The following AEBP1 variants were observed in gnomAD, a reference collection of about 807,000 sequenced individuals.
AEBP1 encodes the protein adipocyte enhancer-binding protein 1.
In AEBP1, 69 loss-of-function variants were observed where a neutral mutation model predicts 116.5. The observed-to-expected ratio is 0.59, with a 90% CI of 0.49 to 0.72. AEBP1 has a LOEUF of 0.72. AEBP1 is among the 30% of genes least tolerant of loss of function. AEBP1 has a pLI of 0.00. For missense variants in AEBP1, 1,444 were observed against 1,557.5 expected (o/e 0.93, Z 1.23); for synonymous variants, 627 against 627.3 (o/e 1.00, Z 0.01).
intron 1 of AEBP1, chr7:44,106,312 G>A (rs1343125611): frequency 4.4e-6 from 3 of 684,630 alleles, no homozygotes; most frequent in Admixed American, 2.0e-5. Context: ...GGAACCCTAC[G>A]CTCAGTCTTT....
At position 44,112,128 on chromosome 7, in the gene AEBP1, C is replaced by G; in HGVS notation, c.2038-14C>G. ...GTGTGGGTAGCCGATGCCTACCCTG[C>G]TGGCTCCCCACAGGGCTCAGAGTTT... is the stretch of plus-strand genomic sequence containing the variant. On this transcript the variant is annotated splice_polypyrimidine_tract_variant and intron_variant, in intron 16 of 20. Coordinates refer to ENST00000223357, the MANE Select transcript of AEBP1 (RefSeq NM_001129.5). This position sits in a 1 kb window ranked among gnomAD's most constrained non-coding sequence, Gnocchi z 6.6. 6.3e-7 allele frequency: 1 copy of G among 1,596,180 alleles called. No homozygotes were observed. Among genetic ancestry groups the G allele is most frequent in the Non-Finnish European group, 8.6e-7 (1 of 1,167,098 alleles).
rs1264832591 is a variant in AEBP1, at chr7:44,104,846, G to A, written c.181G>A (p.Glu61Lys). 1.3e-6 allele frequency: 2 copies of A among 1,583,830 alleles called. No individual in the cohort carries two copies. Among genetic ancestry groups the A allele is most frequent in the Non-Finnish European group, 8.6e-7 (1 of 1,165,984 alleles). The change falls in exon 1 of 21, where the codon GAG becomes AAG. Residue 61 changes from glutamate (E) to lysine (K), a missense_variant. Physicochemically the swap from Glu to Lys is moderately conservative, Grantham distance 56. Transcript: ENST00000223357. ...CGACGTGGAGGCCCCGCCGCCTCCC[G>A]AGCCCACCCCGCGGGTCCGAAAAGC... ...EDDVEAPPPP[E>K]PTPRVRKAQA...
In AEBP1 at chr7:44,106,881, G is replaced by A. The variant is rs1242747366; in HGVS notation, c.589G>A (p.Glu197Lys). 3.8e-6 allele frequency: 6 copies of A among 1,569,988 alleles called. No homozygotes were observed. Among genetic ancestry groups the A allele is most frequent in the Non-Finnish European group, 5.2e-6 (6 of 1,161,230 alleles). ...CCCTGGCCCCGAGGAGCTACCCCAG[G>A]AGGGAGGTTTGTGCCGGGCTCCTCT... ...PSPGPEELPQ[E>K]GGAPLSNNWQ... The change falls in exon 2 of 21, where the codon GAG becomes AAG. Residue 197 changes from glutamate to lysine, a missense_variant. By Grantham distance (56) the Glu-to-Lys change is moderately conservative. Coordinates refer to ENST00000223357, the MANE Select transcript of AEBP1 (RefSeq NM_001129.5).
chr7:44,107,715 G>C lies in AEBP1; in HGVS notation c.739+15G>C. 6.2e-7 allele frequency: 1 copy of C among 1,613,384 alleles called. No homozygotes were observed. Among genetic ancestry groups the C allele is most frequent in the Non-Finnish European group, 8.5e-7 (1 of 1,179,916 alleles). On this transcript the variant is annotated intron_variant, in intron 4 of 20. Transcript: ENST00000223357. The surrounding 1 kb of genome is among the most constrained non-coding windows in gnomAD (Gnocchi z 4.3). Reference sequence around the variant, plus strand: ...CTATGAGGACTGTGAGTAGGGTCCTGCCAGCCCCACCTGGGTCGGACCCCT... The same window carrying C: ...CTATGAGGACTGTGAGTAGGGTCCTCCCAGCCCCACCTGGGTCGGACCCCT...
rs776971433 is a variant in AEBP1 at position 44,110,200 on chromosome 7, T to C, written c.1261-7T>C. 54 of 1,613,440 alleles carry C rather than the reference T, an allele frequency of 3.3e-5. No individual in the cohort carries two copies. Among genetic ancestry groups the C allele is most frequent in the Non-Finnish European group, 4.5e-5 (53 of 1,180,000 alleles). On this transcript the variant is annotated splice_region_variant and splice_polypyrimidine_tract_variant and intron_variant, in intron 10 of 20. Transcript: ENST00000223357. ...CCCATGCTCAGCCTCCCCTGCCCCCTGGACAGACCGGTGCCACTGAGGACG... is the reference window on the plus strand; with the variant it reads ...CCCATGCTCAGCCTCCCCTGCCCCCCGGACAGACCGGTGCCACTGAGGACG...
chr7:44,109,876 G>A, intron 9 of AEBP1, 139 bp from the exon 10 acceptor site: 1 of 748,892 alleles, frequency 1.3e-6, no homozygotes, highest in African/African-American at 1.8e-5. Flanking sequence ...CAGGGCACCA[G>A]GGAGCCACCA....
At position 44,112,202 on chromosome 7, in the gene AEBP1, G is replaced by A; in HGVS notation, c.2098G>A (p.Glu700Lys). Residue 700 changes from glutamate (E) to lysine (K), a missense_variant, in exon 17 of 21, where the codon GAA becomes AAA. Glu to Lys is a moderately conservative substitution (Grantham distance 56). Coordinates refer to ENST00000223357, the MANE Select transcript of AEBP1 (RefSeq NM_001129.5). This position sits in a 1 kb window ranked among gnomAD's most constrained non-coding sequence, Gnocchi z 6.6. ...GACTGAGGAGGGCTTTGACATCTTT[G>A]AAGATTTCCCGGATCTCAACTCTGT... ...LWTEEGFDIF[E>K]DFPDLNSVLW... 6.2e-7 allele frequency: 1 copy of A among 1,609,332 alleles called. No homozygotes were observed. The highest frequency in any genetic ancestry group is 8.5e-7 in the Non-Finnish European group (1 of 1,176,222).
Position 44,108,794 on chromosome 7 carries a change from TC to T in AEBP1, c.941-103del. On this transcript the variant is annotated intron_variant, in intron 6 of 20. Coordinates refer to ENST00000223357, the MANE Select transcript of AEBP1 (RefSeq NM_001129.5). The surrounding 1 kb of genome is among the most constrained non-coding windows in gnomAD (Gnocchi z 5.0). Reference sequence around the variant, plus strand: ...CTCAGCTGTCCCCCATCTCCCGTCCTCCTCCCCTCTGGCGCGGTCCTGTCCT... The same window carrying T: ...CTCAGCTGTCCCCCATCTCCCGTCCTCTCCCCTCTGGCGCGGTCCTGTCCT... The T allele has an allele frequency of 7.7e-6, 8 of 1,045,208 alleles. No homozygotes were observed. In the South Asian group the frequency reaches 1.2e-4, roughly 15 times the overall value. The allele number at this position is 1,045,208 out of a possible 1,614,324, so 64.7% of individuals were successfully genotyped here. A position where few individuals can be genotyped will look rare whatever the true frequency, so the allele number is the denominator to read the frequency against.
In AEBP1 at chr7:44,111,783, G is replaced by T; in HGVS notation, c.1841-71G>T. The stretch of plus-strand genomic sequence containing the variant: ...CCCCCAGACCCTCGGGTATGAGGTG[G>T]GTCTGGGTCCTTCCTCAGCTGCCCT... On this transcript the variant is annotated intron_variant, in intron 15 of 20. Coordinates refer to ENST00000223357, the MANE Select transcript of AEBP1 (RefSeq NM_001129.5). This position sits in a 1 kb window ranked among gnomAD's most constrained non-coding sequence, Gnocchi z 4.7. 6.5e-7 allele frequency: 1 copy of T among 1,548,864 alleles called. No homozygotes were observed. The highest frequency in any genetic ancestry group is 8.7e-7 in the Non-Finnish European group (1 of 1,143,348).
In AEBP1 at chr7:44,114,479, G is replaced by A. The variant is rs868038611; in HGVS notation, c.*218G>A. 1.2e-5 allele frequency: 8 copies of A among 640,550 alleles called. No individual in the cohort carries two copies. The highest frequency in any genetic ancestry group is 8.8e-5 in the Admixed American group (3 of 34,026). The allele number at this position is 640,550 out of a possible 1,614,324, so 39.7% of individuals were successfully genotyped here. A position where few individuals can be genotyped will look rare whatever the true frequency, so the allele number is the denominator to read the frequency against. On this transcript the variant is annotated 3_prime_UTR_variant, in exon 21 of 21. Coordinates refer to ENST00000223357, the MANE Select transcript of AEBP1 (RefSeq NM_001129.5). ...GGCTCCTGCTCCACCTGCCAGTCTC[G>A]TAAGAGATGGGGTTGCTGCAGTGTT...
At position 44,110,230 on chromosome 7, in the gene AEBP1, C is replaced by A. The variant is rs1477494152; in HGVS notation, c.1284C>A (p.Tyr428Ter). 1 of 1,613,648 alleles carries A rather than the reference C, an allele frequency of 6.2e-7. No individual in the cohort carries two copies. The highest frequency in any genetic ancestry group is 8.5e-7 in the Non-Finnish European group (1 of 1,180,026). The part of the protein sequence containing the change: ...NMQTGATEDD[Y>*]YDGAWCAEDD... ...AGACCGGTGCCACTGAGGACGACTA[C>A]TATGATGGTGCGTGGTGTGCCGAGG... Residue 428 changes from tyrosine (Y) to a stop codon, truncating the protein, a stop_gained, in exon 11 of 21, where the codon TAC (tyrosine) becomes TAA (stop). Coordinates refer to ENST00000223357, the MANE Select transcript of AEBP1 (RefSeq NM_001129.5). LOFTEE classifies it high-confidence loss of function.
Position 44,112,440 on chromosome 7 carries a change from G to T in AEBP1, c.2218-118G>T. On this transcript the variant is annotated intron_variant, in intron 17 of 20. Coordinates refer to ENST00000223357, the MANE Select transcript of AEBP1 (RefSeq NM_001129.5). The surrounding 1 kb of genome is among the most constrained non-coding windows in gnomAD (Gnocchi z 6.6). ...AACTCCAGACGCTGAGGCTCTGGGG[G>T]TTGGGGGACAGGGGATCGTGCGAGT... 1.4e-6 allele frequency: 2 copies of T among 1,397,674 alleles called. No homozygotes were observed. Among genetic ancestry groups the T allele is most frequent in the Admixed American group, 2.5e-5 (1 of 40,644 alleles). The allele number at this position is 1,397,674 out of a possible 1,614,324, so 86.6% of individuals were successfully genotyped here.
In AEBP1 at chr7:44,111,290, G is replaced by T; in HGVS notation, c.1716+51G>T. The T allele has an allele frequency of 1.4e-6, 2 of 1,472,148 alleles. No individual in the cohort carries two copies. The highest frequency in any genetic ancestry group is 1.8e-6 in the Non-Finnish European group (2 of 1,105,906). The allele number at this position is 1,472,148 out of a possible 1,614,324, so 91.2% of individuals were successfully genotyped here. A position where few individuals can be genotyped will look rare whatever the true frequency, so the allele number is the denominator to read the frequency against. ...GGGGTGGGACCTGTCTGTGGCTGAC[G>T]GGAGTGTGTGCCTGGTGCTTCTGTC... is the stretch of plus-strand genomic sequence containing the variant. On this transcript the variant is annotated intron_variant, in intron 14 of 20. Transcript: ENST00000223357. The surrounding 1 kb of genome is among the most constrained non-coding windows in gnomAD (Gnocchi z 4.7).
rs1267544405 is a variant in AEBP1, at chr7:44,111,694, G to A, written c.1840+64G>A. The A allele has an allele frequency of 4.4e-6, 7 of 1,596,528 alleles. No individual in the cohort carries two copies. The highest frequency in any genetic ancestry group is 3.6e-5 in the Admixed American group (2 of 56,300). On this transcript the variant is annotated intron_variant, in intron 15 of 20. Coordinates refer to ENST00000223357, the MANE Select transcript of AEBP1 (RefSeq NM_001129.5). The surrounding 1 kb of genome is among the most constrained non-coding windows in gnomAD (Gnocchi z 4.7). Reference sequence around the variant, plus strand: ...TGATGTGCAGAGCTCACTGCCTCCCGCCTGTTCCGGAGCCTCTCTGGGGAT... The same window carrying A: ...TGATGTGCAGAGCTCACTGCCTCCCACCTGTTCCGGAGCCTCTCTGGGGAT...
At position 44,111,696 on chromosome 7, in the gene AEBP1, CT is replaced by C; in HGVS notation, c.1840+67del. ...ATGTGCAGAGCTCACTGCCTCCCGC[CT>C]GTTCCGGAGCCTCTCTGGGGATTCT... On this transcript the variant is annotated intron_variant, in intron 15 of 20. Transcript: ENST00000223357. This position sits in a 1 kb window ranked among gnomAD's most constrained non-coding sequence, Gnocchi z 4.7. 1 of 1,596,854 alleles carries C rather than the reference CT, an allele frequency of 6.3e-7. No individual in the cohort carries two copies.
chr7:44,111,737 G>C lies in AEBP1; in HGVS notation c.1840+107G>C. On this transcript the variant is annotated intron_variant, in intron 15 of 20. Coordinates refer to ENST00000223357, the MANE Select transcript of AEBP1 (RefSeq NM_001129.5). The surrounding 1 kb of genome is among the most constrained non-coding windows in gnomAD (Gnocchi z 4.7). ...CTGGGGATTCTGGCTTGTCTTACAG[G>C]GCCCTAGGAGCCCCAGCTGTCCCCC... The C allele has an allele frequency of 1.2e-5, 18 of 1,546,338 alleles. No individual in the cohort carries two copies. Among genetic ancestry groups the C allele is most frequent in the Non-Finnish European group, 1.5e-5 (17 of 1,143,634 alleles).
At chr7:44,106,379 C>A in intron 1 of AEBP1, 167 bp from the exon 2 acceptor site, 1 of 806,740 alleles carries the variant, frequency 1.2e-6, no homozygotes, top group Non-Finnish European at 2.1e-6. Flanking sequence ...AATCTGGGTC[C>A]GGATCCCAGT....
chr7:44,108,929 A>C lies in AEBP1; in HGVS notation c.971A>C (p.Gln324Pro). ...TATTACTTTGGGCCTCCTCCGCCCC[A>C]GAAGCCCGATGCTGAGCGCCAGACA... ...MDYYFGPPPP[Q>P]KPDAERQTDE... is the part of the protein sequence containing the mutation. The change falls in exon 7 of 21, where the codon CAG (glutamine) becomes CCG (proline). Residue 324 changes from glutamine (Q) to proline (P), a missense_variant. Physicochemically the swap from Gln to Pro is moderately conservative, Grantham distance 76. Coordinates refer to ENST00000223357, the MANE Select transcript of AEBP1 (RefSeq NM_001129.5). This position sits in a 1 kb window ranked among gnomAD's most constrained non-coding sequence, Gnocchi z 5.0. 6.3e-7 allele frequency: 1 copy of C among 1,597,122 alleles called. No homozygotes were observed. The highest frequency in any genetic ancestry group is 8.5e-7 in the Non-Finnish European group (1 of 1,172,680).
chr7:44,108,215 C>A lies in AEBP1; in HGVS notation c.940+131C>A. ...CCTGTGCCCGTGGTTACCTCGCTGT[C>A]CCTGCTGTCCCTGCGTGCCCACCCC... On this transcript the variant is annotated intron_variant, in intron 6 of 20. Coordinates refer to ENST00000223357, the MANE Select transcript of AEBP1 (RefSeq NM_001129.5). The surrounding 1 kb of genome is among the most constrained non-coding windows in gnomAD (Gnocchi z 5.0). The A allele has an allele frequency of 1.2e-6, 1 of 840,580 alleles. No homozygotes were observed. The highest frequency in any genetic ancestry group is 1.9e-6 in the Non-Finnish European group (1 of 520,914). 52.1% of individuals were successfully genotyped at this position (840,580 alleles called of 1,614,324 possible). A position where few individuals can be genotyped will look rare whatever the true frequency, so the allele number is the denominator to read the frequency against.
Sources: gnomAD v4.1 joint callset for allele counts on GRCh38, gnomAD v4.1.1 for gene constraint, Gnocchi (gnomAD v3.1) non-coding constraint, MANE v1.5 for transcripts, NCBI Gene and HGNC (gene_info 2026-07-23, HGNC 2026-07-21) for gene names.